The following NXPE2 variants were observed in gnomAD, a reference collection of about 807,000 sequenced individuals.
NXPE2 encodes neurexophilin and PC-esterase domain family member 2.
In NXPE2, 34 loss-of-function variants were observed where a neutral mutation model predicts 34.4. The ratio of observed to expected loss-of-function variants is 0.99; its 90% confidence interval spans 0.75 to 1.31. The LOEUF is 1.31. NXPE2 is among the 40% of genes most tolerant of loss of function. The pLI is 0.00. For missense variants in NXPE2, 649 were observed against 672.5 expected, an observed-to-expected ratio of 0.97 and a Z score of 0.39; for synonymous variants, 235 against 231.3, an observed-to-expected ratio of 1.02 and a Z score of -0.15.
At chr11:114,474,631 T>A in the NXPE2 span, among the ~76,000 whole-genome samples, 1 of 152,082 alleles carries the variant, frequency 6.6e-6, no homozygotes, top group African/African-American at 2.4e-5. Context: ...TTGAAATGAT[T>A]TCAAGAGACA....
At chr11:114,808,388 A>C in the NXPE2 span, among the ~76,000 whole-genome samples, 1 of 151,530 alleles carries the variant, frequency 6.6e-6, no homozygotes, top group Non-Finnish European at 1.5e-5. Context: ...CCCTTCAAAA[A>C]ATTAATGAAT....
chr11:114,495,352 C>T, the NXPE2 span, among the ~76,000 whole-genome samples: 1 of 151,884 alleles, frequency 6.6e-6, no homozygotes, highest in East Asian at 1.9e-4. Context: ...CATTCAGGGG[C>T]CCGGGCCTAT....
the NXPE2 span, among the ~76,000 whole-genome samples, chr11:114,607,743 C>A: frequency 6.6e-6 from 1 of 151,706 alleles, no homozygotes; most frequent in Non-Finnish European, 1.5e-5. Flanking sequence ...CACAGTTGCC[C>A]GGTGGATAAT....
chr11:114,661,507 A>G, the NXPE2 span, among the ~76,000 whole-genome samples: 1 of 152,196 alleles, frequency 6.6e-6, no homozygotes, highest in Non-Finnish European at 1.5e-5. Flanking sequence ...TCATATTGCA[A>G]CTGATGGACT....
the NXPE2 span, among the ~76,000 whole-genome samples, chr11:114,535,738 T>C: frequency 6.6e-6 from 1 of 152,168 alleles, no homozygotes; most frequent in East Asian, 1.9e-4. Flanking sequence ...CTAGCTATCC[T>C]AAATATATAT....
At chr11:114,648,517 G>T in the NXPE2 span, among the ~76,000 whole-genome samples, 1 of 152,104 alleles carries the variant, frequency 6.6e-6, no homozygotes, top group African/African-American at 2.4e-5. Flanking sequence ...TAATTTAAAC[G>T]TTAATCTACC....
chr11:114,727,774 AACACACACACAC>A, the NXPE2 span, among the ~76,000 whole-genome samples: 23 of 127,640 alleles, frequency 1.8e-4, no homozygotes, highest in South Asian at 7.8e-4. Context: ...ATGTGTACAC[AACACACACACAC>A]ACACACACAC....
intron 2 of NXPE2, among the ~76,000 whole-genome samples, chr11:114,694,902 C>T (rs558907470): frequency 1.3e-5 from 2 of 151,910 alleles, no homozygotes; most frequent in African/African-American, 4.8e-5. Context: ...TTTTAAATTT[C>T]TGGTCTGATA....
the NXPE2 span, among the ~76,000 whole-genome samples, chr11:114,489,984 C>T: frequency 6.6e-6 from 1 of 152,178 alleles, no homozygotes; most frequent in Non-Finnish European, 1.5e-5. Context: ...AAAATCTCCT[C>T]AAGCTGATAA....
the NXPE2 span, among the ~76,000 whole-genome samples, chr11:114,573,062 C>A: frequency 6.6e-6 from 1 of 152,100 alleles, no homozygotes; most frequent in Non-Finnish European, 1.5e-5. Context: ...CTATTTTAGC[C>A]TCCTTAAACA....
the NXPE2 span, among the ~76,000 whole-genome samples, chr11:114,545,481 T>C: frequency 1.3e-5 from 2 of 152,216 alleles, no homozygotes; most frequent in African/African-American, 4.8e-5. Flanking sequence ...CTATGCACTG[T>C]ATGACTGCAT....
At chr11:114,470,521 G>C in the NXPE2 span, among the ~76,000 whole-genome samples, 3 of 151,552 alleles carry the variant, frequency 2.0e-5, no homozygotes, top group Non-Finnish European at 4.4e-5. Flanking sequence ...TGTCTGTCCA[G>C]ATCTTTTGCT....
At chr11:114,750,009 T>C in the NXPE2 span, among the ~76,000 whole-genome samples, 1 of 152,100 alleles carries the variant, frequency 6.6e-6, no homozygotes, top group Admixed American at 6.5e-5. Flanking sequence ...CCTGCCCTCC[T>C]CCAAGAGGAC....
At chr11:114,748,488 G>A in the NXPE2 span, among the ~76,000 whole-genome samples, 1 of 152,156 alleles carries the variant, frequency 6.6e-6, no homozygotes, top group Non-Finnish European at 1.5e-5. Context: ...TGTCTTCCCA[G>A]AGTCCCTCAC....
the NXPE2 span, among the ~76,000 whole-genome samples, chr11:114,482,179 T>A: frequency 6.6e-6 from 1 of 152,134 alleles, no homozygotes. Flanking sequence ...AAAAAATATA[T>A]TTCCTGCTCT....
the NXPE2 span, among the ~76,000 whole-genome samples, chr11:114,655,533 T>C: frequency 6.6e-6 from 1 of 152,234 alleles, no homozygotes; most frequent in Non-Finnish European, 1.5e-5. Context: ...AGTTTCAGTT[T>C]TCTGCATATG....
the NXPE2 span, among the ~76,000 whole-genome samples, chr11:114,626,003 C>G: frequency 1.3e-5 from 2 of 152,196 alleles, no homozygotes; most frequent in Admixed American, 6.5e-5. Context: ...GATTATATCC[C>G]GCATTTGGCT....
At chr11:114,705,728 C>A in intron 4 of NXPE2, 53 bp from the exon 5 acceptor site, 3 of 1,130,200 alleles carry the variant, frequency 2.7e-6, no homozygotes, top group Admixed American at 3.8e-5. Context: ...AACATTTTTC[C>A]AAAATAATTT....
the NXPE2 span, among the ~76,000 whole-genome samples, chr11:114,729,286 T>C: frequency 6.6e-6 from 1 of 152,144 alleles, no homozygotes; most frequent in African/African-American, 2.4e-5. Context: ...CCATAGTGTA[T>C]ATGTACCACA....
Sources: allele counts gnomAD v4.1 joint callset (sites outside exome capture counted in the v4.1 genomes callset), GRCh38; gene constraint gnomAD v4.1.1; transcripts MANE v1.5; gene names NCBI Gene and HGNC (gene_info 2026-07-23, HGNC 2026-07-21).